The following QTGAL variants were observed in gnomAD, a reference collection of about 807,000 sequenced individuals.
QTGAL encodes the protein queuosine-tRNA galactosyltransferase, also known as BGnT-like protein 1.
chr17:82,996,385 G>C, the QTGAL span, among the ~76,000 whole-genome samples: 1 of 152,118 alleles, frequency 6.6e-6, no homozygotes, highest in Non-Finnish European at 1.5e-5. Context: ...AGCTGGGTAT[G>C]GTGGTGCGCA....
the QTGAL span, among the ~76,000 whole-genome samples, chr17:82,988,427 C>G: frequency 3.3e-5 from 5 of 152,128 alleles, no homozygotes; most frequent in African/African-American, 1.2e-4. Flanking sequence ...TAGGCAATAC[C>G]ATTCGGGACA....
At chr17:82,944,378 G>GTGA in the QTGAL span, 1 of 152,234 alleles carries the variant, frequency 6.6e-6, no homozygotes, top group Non-Finnish European at 1.5e-5. Context: ...CAGGGTCCAG[G>GTGA]TGATAGAGTT....
chr17:83,045,123 T>C, the QTGAL span, among the ~76,000 whole-genome samples: 61,820 of 151,840 alleles, frequency 0.41, 12,602 homozygotes, highest in East Asian at 0.58. Flanking sequence ...AAGAGAAATC[T>C]GTTGTTTATC....
At chr17:83,013,570 T>A in the QTGAL span, among the ~76,000 whole-genome samples, 1 of 150,492 alleles carries the variant, frequency 6.6e-6, no homozygotes, top group East Asian at 2.0e-4. Context: ...TGTGGGGAGC[T>A]GGGCTCCCAG....
the QTGAL span, among the ~76,000 whole-genome samples, chr17:83,041,047 C>G: frequency 7.4e-6 from 1 of 134,874 alleles, no homozygotes; most frequent in Non-Finnish European, 1.5e-5. Context: ...GGCTGGGTGA[C>G]AGAGCGAGAC....
the QTGAL span, chr17:82,946,862 TC>T: frequency 2.6e-6 from 4 of 1,522,214 alleles, no homozygotes; most frequent in South Asian, 3.6e-5. Context: ...AGATGGTTCT[TC>T]GGTGAAAAGA....
At chr17:82,964,843 G>A in the QTGAL span, among the ~76,000 whole-genome samples, 1 of 108,072 alleles carries the variant, frequency 9.3e-6, no homozygotes, top group African/African-American at 3.7e-5. Flanking sequence ...CGGGGAGGAC[G>A]GGGACACGGA....
the QTGAL span, among the ~76,000 whole-genome samples, chr17:83,024,800 G>A: frequency 6.6e-6 from 1 of 152,258 alleles, no homozygotes; most frequent in South Asian, 2.1e-4. Context: ...CTGTGATGCT[G>A]AGGAGTGACC....
chr17:82,951,755 C>A, the QTGAL span, among the ~76,000 whole-genome samples: 1 of 139,476 alleles, frequency 7.2e-6, no homozygotes, highest in Non-Finnish European at 1.5e-5. Flanking sequence ...TATTAGTTAA[C>A]CTAATTTCAA....
the QTGAL span, among the ~76,000 whole-genome samples, chr17:83,013,386 C>T: frequency 7.5e-6 from 1 of 133,724 alleles, no homozygotes; most frequent in Non-Finnish European, 1.6e-5. Flanking sequence ...GCCCCCATCC[C>T]AACCCCCCTC....
At chr17:82,966,574 C>T in the QTGAL span, among the ~76,000 whole-genome samples, 1 of 152,244 alleles carries the variant, frequency 6.6e-6, no homozygotes, top group East Asian at 1.9e-4. Flanking sequence ...TTGATGTTTG[C>T]TGAAGACATC....
At chr17:83,016,286 T>C in the QTGAL span, among the ~76,000 whole-genome samples, 17,847 of 152,172 alleles carry the variant, frequency 0.12, 1,125 homozygotes, top group South Asian at 0.2. Flanking sequence ...TGTTTTTAAG[T>C]TGAACGCTAA....
At chr17:82,956,645 C>A in the QTGAL span, 1 of 1,491,136 alleles carries the variant, frequency 6.7e-7, no homozygotes, top group Non-Finnish European at 9.0e-7. The surrounding 1 kb of genome is among the most constrained non-coding windows in gnomAD (Gnocchi z 5.7). Context: ...GTCCAGGTGG[C>A]AGAGCCCGGG....
the QTGAL span, chr17:82,943,926 C>G: frequency 6.6e-6 from 1 of 152,264 alleles, no homozygotes; most frequent in Non-Finnish European, 1.5e-5. Flanking sequence ...TGAGTCCACA[C>G]AGTGGAAAAG....
the QTGAL span, chr17:83,005,133 C>T: frequency 9.3e-6 from 15 of 1,608,502 alleles, no homozygotes; most frequent in Admixed American, 3.3e-5. This position sits in a 1 kb window ranked among gnomAD's most constrained non-coding sequence, Gnocchi z 5.6. Context: ...GGAGCTGCTC[C>T]GGCGTCAGCT....
At chr17:83,020,506 C>T in the QTGAL span, among the ~76,000 whole-genome samples, 13 of 152,250 alleles carry the variant, frequency 8.5e-5, no homozygotes, top group African/African-American at 2.7e-4. Context: ...TGGAGACCCA[C>T]AAAGGCCACA....
the QTGAL span, among the ~76,000 whole-genome samples, chr17:82,988,987 C>A: frequency 6.6e-6 from 1 of 152,192 alleles, no homozygotes; most frequent in Admixed American, 6.5e-5. Flanking sequence ...TTTGACCCAG[C>A]AATCCTACTA....
At chr17:83,010,152 G>A in the QTGAL span, among the ~76,000 whole-genome samples, 2 of 151,900 alleles carry the variant, frequency 1.3e-5, 1 homozygote, top group South Asian at 4.1e-4. Flanking sequence ...GCAGCCAGGG[G>A]TGCCTGGGGA....
At chr17:82,956,098 T>C in the QTGAL span, among the ~76,000 whole-genome samples, 2 of 151,996 alleles carry the variant, frequency 1.3e-5, no homozygotes, top group African/African-American at 4.8e-5. The surrounding 1 kb of genome is among the most constrained non-coding windows in gnomAD (Gnocchi z 5.7). Flanking sequence ...CAAACCACCA[T>C]GGCACATGTA....
Sources: gnomAD v4.1 joint callset for allele counts (sites outside exome capture counted in the v4.1 genomes callset) on GRCh38, gnomAD v4.1.1 for gene constraint, Gnocchi (gnomAD v3.1) non-coding constraint, MANE v1.5 for transcripts, NCBI Gene and HGNC (gene_info 2026-07-23, HGNC 2026-07-21) for gene names.